The following IFT52 variants were observed in gnomAD, a reference collection of about 807,000 sequenced individuals.
IFT52 encodes intraflagellar transport 52, also known as intraflagellar transport protein 52 homolog.
A neutral mutation model predicts 54.4 loss-of-function variants in IFT52; 44 were observed. The ratio of observed to expected loss-of-function variants is 0.81; its 90% CI spans 0.63 to 1.04. IFT52 has a LOEUF of 1.04. Among genes scored for constraint, IFT52 ranks in the 50% least tolerant of loss-of-function variants. IFT52 has a pLI of 0.00. For missense variants in IFT52, 452 were observed against 523.6 expected (o/e 0.86, Z 1.33); for synonymous variants, 181 against 185.3 (o/e 0.98, Z 0.19).
intron 6 of IFT52, among the ~76,000 whole-genome samples, chr20:43,609,215 C>T (rs950478008): frequency 6.6e-6 from 1 of 152,114 alleles, no homozygotes; most frequent in African/African-American, 2.4e-5. Context: ...GTACTCCAGC[C>T]TGGGTGACAG....
chr20:43,627,954 G>T (rs1332051053), intron 10 of IFT52, among the ~76,000 whole-genome samples: 1 of 104,718 alleles, frequency 9.5e-6, no homozygotes, highest in Non-Finnish European at 1.8e-5. Flanking sequence ...TTGAGATACA[G>T]TCTCACTCTT....
intron 9 of IFT52, 119 bp downstream of exon 9, chr20:43,621,044 C>A: frequency 3.0e-6 from 2 of 677,444 alleles, no homozygotes; most frequent in Non-Finnish European, 5.2e-6. Flanking sequence ...ACAGATGGAA[C>A]GAAGGAATGA....
intron 12 of IFT52, among the ~76,000 whole-genome samples, chr20:43,639,236 CA>C (rs1226726402): frequency 2.8e-4 from 38 of 133,384 alleles, no homozygotes; most frequent in African/African-American, 5.9e-4. Flanking sequence ...CCCATCTCTA[CA>C]AAAAAAAAAA....
intron 3 of IFT52, among the ~76,000 whole-genome samples, chr20:43,602,645 GC>G (rs2145596551): frequency 6.6e-6 from 1 of 151,788 alleles, no homozygotes; most frequent in Non-Finnish European, 1.5e-5. Context: ...AGTAGCTGGG[GC>G]TACGGGTGCA....
chr20:43,607,291 G>T (rs1166729071), intron 6 of IFT52, among the ~76,000 whole-genome samples: 1 of 151,640 alleles, frequency 6.6e-6, no homozygotes, highest in Admixed American at 6.6e-5. Flanking sequence ...CCCGGACGGG[G>T]CGGCTGGCCT....
intron 3 of IFT52, among the ~76,000 whole-genome samples, 171 bp from the exon 4 acceptor site, chr20:43,603,589 G>A (rs1331023127): frequency 6.6e-6 from 1 of 152,184 alleles, no homozygotes; most frequent in Non-Finnish European, 1.5e-5. Context: ...TATGCTCAAA[G>A]ACAAGCTTGG....
intron 9 of IFT52, among the ~76,000 whole-genome samples, chr20:43,621,500 CG>C (rs1984300733): frequency 6.6e-6 from 1 of 152,094 alleles, no homozygotes; most frequent in African/African-American, 2.4e-5. Context: ...CTCGCTCTGT[CG>C]CCCAAGGCTG....
In IFT52 at chr20:43,623,998, C is replaced by T; in HGVS notation, c.876C>T (p.Asp292=). 1 of 1,614,184 alleles carries T rather than the reference C, an allele frequency of 6.2e-7. No individual in the cohort carries two copies. Among genetic ancestry groups the T allele is most frequent in the Non-Finnish European group, 8.5e-7 (1 of 1,180,034 alleles). Residue 292 remains aspartate, a synonymous_variant, in exon 10 of 14, where the codon GAC becomes GAT. Coordinates refer to ENST00000373030, the MANE Select transcript of IFT52 (RefSeq NM_016004.5). The part of the protein sequence containing the change: ...EIPRDFTTLF[D]LSIFQLDTTS... ...CAAGGGACTTTACCACCCTCTTCGACCTGTCCATCTTCCAGCTGGATACCA... is the reference window on the plus strand; with the variant it reads ...CAAGGGACTTTACCACCCTCTTCGATCTGTCCATCTTCCAGCTGGATACCA...
chr20:43,591,701 C>T (rs1368497708), intron 1 of IFT52, among the ~76,000 whole-genome samples: 1 of 152,046 alleles, frequency 6.6e-6, no homozygotes, highest in Admixed American at 6.5e-5. Context: ...GAGATTAGCT[C>T]TCCAGAACCA....
intron 12 of IFT52, among the ~76,000 whole-genome samples, chr20:43,639,786 C>CCAT (rs1026143275): frequency 6.6e-6 from 1 of 151,892 alleles, no homozygotes; most frequent in African/African-American, 2.4e-5. Context: ...CTGCAGTGAG[C>CCAT]TATGATACAC....
chr20:43,619,063 G>A, intron 8 of IFT52, 37 bp downstream of exon 8: 4 of 1,357,218 alleles, frequency 2.9e-6, no homozygotes, highest in Non-Finnish European at 4.2e-6. Flanking sequence ...TATACAATGT[G>A]TATTATTTTC....
intron 10 of IFT52, among the ~76,000 whole-genome samples, chr20:43,631,541 A>T (rs1376281748): frequency 6.6e-6 from 1 of 152,234 alleles, no homozygotes; most frequent in African/African-American, 2.4e-5. Flanking sequence ...TGTACAATTT[A>T]AACTGGATGA....
intron 1 of IFT52, 32 bp downstream of exon 1, chr20:43,591,086 G>C (rs999812450): frequency 1.3e-5 from 2 of 152,490 alleles, no homozygotes; most frequent in African/African-American, 4.8e-5. Context: ...GGGCCGGCTG[G>C]GGCGTTGGTG....
intron 10 of IFT52, among the ~76,000 whole-genome samples, chr20:43,625,797 G>T (rs1022905470): frequency 6.6e-6 from 1 of 151,930 alleles, no homozygotes; most frequent in African/African-American, 2.4e-5. Flanking sequence ...CACTCTGGGT[G>T]AAAAGAGGAG....
At chr20:43,628,854 C>CAA (rs11086884) in intron 10 of IFT52, among the ~76,000 whole-genome samples, 259 of 148,268 alleles carry the variant, frequency 1.7e-3, no homozygotes, top group East Asian at 7.9e-4. Flanking sequence ...GACTCCATCT[C>CAA]AAAAAAAAAA....
At chr20:43,623,830 G>C in intron 9 of IFT52, 61 bp from the exon 10 acceptor site, 1 of 1,546,364 alleles carries the variant, frequency 6.5e-7, no homozygotes, top group Non-Finnish European at 8.8e-7. Context: ...AGACAGTGGA[G>C]ACTTGACAGA....
intron 1 of IFT52, among the ~76,000 whole-genome samples, chr20:43,593,736 A>AT (rs1254211543): frequency 6.6e-6 from 1 of 151,720 alleles, no homozygotes; most frequent in African/African-American, 2.4e-5. Context: ...TGCCCTGCTA[A>AT]TTTTTTTTGT....
At chr20:43,640,605 G>A (rs891151614) in intron 12 of IFT52, among the ~76,000 whole-genome samples, 7 of 152,326 alleles carry the variant, frequency 4.6e-5, no homozygotes, top group African/African-American at 1.7e-4. Flanking sequence ...ACACACAGAA[G>A]CATACATAGC....
intron 6 of IFT52, among the ~76,000 whole-genome samples, chr20:43,606,972 C>T (rs888313440): frequency 1.1e-4 from 17 of 152,348 alleles, no homozygotes; most frequent in Middle Eastern, 3.4e-3. Flanking sequence ...AAAAGTCTCC[C>T]GTGTCTACTT....
Sources: allele counts gnomAD v4.1 joint callset (sites outside exome capture counted in the v4.1 genomes callset), GRCh38; gene constraint gnomAD v4.1.1; transcripts MANE v1.5; gene names NCBI Gene and HGNC (gene_info 2026-07-23, HGNC 2026-07-21).